The following CLIC5 variants were observed in gnomAD, a reference collection of about 807,000 sequenced individuals.
The protein encoded by CLIC5 is chloride intracellular channel protein 5.
In CLIC5, 20 loss-of-function variants were observed where a neutral mutation model predicts 24.7. The observed-to-expected ratio is 0.81, with a 90% CI of 0.57 to 1.18. The LOEUF (loss-of-function observed/expected upper bound fraction) is 1.18. Ranked by LOEUF, CLIC5 falls within the 50% of genes most tolerant of loss-of-function variation. The probability of loss-of-function intolerance (pLI) is 0.00; values close to 1 mark genes in which losing one functional copy is unlikely to be tolerated. For missense variants in CLIC5, 341 were observed against 326.1 expected (o/e 1.05, Z -0.35); for synonymous variants, 159 against 135.6 (o/e 1.17, Z -1.20).
At chr6:45,928,402 C>A (rs1763585913) in intron 4 of CLIC5, among the ~76,000 whole-genome samples, 1 of 152,198 alleles carries the variant, frequency 6.6e-6, no homozygotes, top group South Asian at 2.1e-4. Context: ...TTAACTTATC[C>A]AGAGATATTC....
At position 45,974,520 on chromosome 6, in the gene CLIC5, TATAGAGAGAGAGAGAGAG is replaced by T. The variant is rs1370840675; in HGVS notation, c.64-19294_64-19277del. On this transcript the variant is annotated intron_variant, in intron 1 of 5. Coordinates refer to ENST00000339561, the MANE Select transcript of CLIC5 (RefSeq NM_016929.5). ...GTGTATATATATATATATATATATA[TATAGAGAGAGAGAGAGAG>T]AGAGAGAGAGAGAGAGAGAGAGAGA... 2.5e-4 allele frequency among the ~76,000 whole-genome samples: 17 copies of T among 66,952 alleles called. 1 individual carries two copies. The highest frequency in any genetic ancestry group is 1.4e-3 in the South Asian group (2 of 1,478). The allele number at this position is 66,952 out of a possible 152,430, so 43.9% of individuals were successfully genotyped here. A position where few individuals can be genotyped will look rare whatever the true frequency, so the allele number is the denominator to read the frequency against.
chr6:46,015,970 G>T, upstream of CLIC5: 2 of 909,094 alleles, frequency 2.2e-6, no homozygotes, highest in Non-Finnish European at 2.6e-6. Context: ...GCCGGGCCAC[G>T]GCCCCCCGCC....
intron 6 of CLIC5, among the ~76,000 whole-genome samples, chr6:45,884,578 G>A (rs747860012): frequency 1.5e-4 from 23 of 152,170 alleles, no homozygotes; most frequent in Non-Finnish European, 2.6e-4. Context: ...GGAAGGCTGC[G>A]AAATGGAGTC....
intron 1 of CLIC5, among the ~76,000 whole-genome samples, chr6:45,977,693 G>C (rs973033961): frequency 6.6e-6 from 1 of 152,048 alleles, no homozygotes; most frequent in East Asian, 1.9e-4. Flanking sequence ...CTAGGCTCAG[G>C]TTGGCTATGT....
the CLIC5 span, among the ~76,000 whole-genome samples, chr6:46,121,984 G>A: frequency 6.6e-6 from 1 of 152,138 alleles, no homozygotes; most frequent in Non-Finnish European, 1.5e-5. Flanking sequence ...AATAATGGGA[G>A]ACTTTAACAC....
At chr6:46,044,751 T>G (rs1273934265) in intron 1 of CLIC5, among the ~76,000 whole-genome samples, 1 of 152,216 alleles carries the variant, frequency 6.6e-6, no homozygotes, top group African/African-American at 2.4e-5. Context: ...GAATGCATAT[T>G]CAGCTACTTG....
chr6:45,965,331 CA>C (rs961933726), intron 1 of CLIC5, among the ~76,000 whole-genome samples: 73 of 152,272 alleles, frequency 4.8e-4, no homozygotes, highest in African/African-American at 1.6e-3. Context: ...ACCCTCCAAC[CA>C]AACACCTTTT....
chr6:45,905,546 A>G (rs1762637071), intron 5 of CLIC5, among the ~76,000 whole-genome samples: 1 of 140,582 alleles, frequency 7.1e-6, no homozygotes, highest in African/African-American at 2.7e-5. Context: ...GTGTCTGTTC[A>G]TGTCTTTTGC....
intron 1 of CLIC5, among the ~76,000 whole-genome samples, chr6:46,010,138 A>C (rs1031449833): frequency 1.3e-5 from 2 of 152,182 alleles, no homozygotes; most frequent in African/African-American, 4.8e-5. Flanking sequence ...TTGGAAACTT[A>C]CATTTTCTTT....
In CLIC5 at chr6:45,914,381, T is replaced by A. The variant is rs141553236; in HGVS notation, c.435A>T (p.Leu145=). ...TGTTCAGGTAGTCATCCAATTTCTT[T>A]AGAGCCTTGGTTAGGCCTCTTTCAA... ...AALERGLTKA[L]KKLDDYLNTP... The change falls in exon 5 of 6, where the codon CTA becomes CTT. Residue 145 remains leucine, a synonymous_variant. Coordinates refer to ENST00000339561, the MANE Select transcript of CLIC5 (RefSeq NM_016929.5). The A allele has an allele frequency of 1.3e-6, 2 of 1,587,824 alleles. No homozygotes were observed. The highest frequency in any genetic ancestry group is 2.7e-5 in the African/African-American group (2 of 74,610).
chr6:46,043,387 T>C (rs1767865813), intron 1 of CLIC5, among the ~76,000 whole-genome samples: 1 of 152,152 alleles, frequency 6.6e-6, no homozygotes, highest in African/African-American at 2.4e-5. Context: ...TGAAACCAGG[T>C]TAATGTCTTC....
At chr6:46,055,287 G>C (rs1425941496) in intron 1 of CLIC5, among the ~76,000 whole-genome samples, 1 of 152,182 alleles carries the variant, frequency 6.6e-6, no homozygotes, top group Non-Finnish European at 1.5e-5. Context: ...ATTTTTAGTA[G>C]AGACGGTGTT....
intron 1 of CLIC5, among the ~76,000 whole-genome samples, chr6:45,962,940 A>C (rs1463346464): frequency 1.3e-5 from 2 of 152,094 alleles, no homozygotes; most frequent in Non-Finnish European, 2.9e-5. Context: ...CACTGAGTGT[A>C]TGTTCACCCT....
intron 1 of CLIC5, among the ~76,000 whole-genome samples, chr6:46,037,870 G>A (rs1767704328): frequency 6.6e-6 from 1 of 152,172 alleles, no homozygotes; most frequent in African/African-American, 2.4e-5. Flanking sequence ...ATTGGTATTT[G>A]GTTACAGGTA....
chr6:45,894,848 CG>C (rs1561912766), downstream of CLIC5, among the ~76,000 whole-genome samples: 8 of 151,888 alleles, frequency 5.3e-5, no homozygotes, highest in African/African-American at 1.9e-4. Flanking sequence ...CAATTATTGT[CG>C]AGCAAGCTGT....
At chr6:45,983,171 G>A (rs1232507736) in intron 1 of CLIC5, among the ~76,000 whole-genome samples, 1 of 152,176 alleles carries the variant, frequency 6.6e-6, no homozygotes, top group African/African-American at 2.4e-5. Flanking sequence ...TCTGCCCAGG[G>A]ACTTTTTCAC....
intron 1 of CLIC5, among the ~76,000 whole-genome samples, chr6:45,980,544 A>G (rs1276744556): frequency 2.0e-5 from 3 of 152,128 alleles, no homozygotes; most frequent in African/African-American, 7.2e-5. Context: ...AAACCAGCAC[A>G]TGTACCCCCA....
intron 1 of CLIC5, among the ~76,000 whole-genome samples, chr6:45,991,085 G>A (rs912567310): frequency 1.3e-5 from 2 of 152,174 alleles, no homozygotes; most frequent in Non-Finnish European, 2.9e-5. Flanking sequence ...TTGCCTTCTG[G>A]CATTCATGCC....
At chr6:46,046,981 C>T (rs1183289167) in intron 1 of CLIC5, among the ~76,000 whole-genome samples, 1 of 152,162 alleles carries the variant, frequency 6.6e-6, no homozygotes, top group Non-Finnish European at 1.5e-5. Context: ...ACTCAAAGTC[C>T]AAGACCTCTC....
Sources: allele counts gnomAD v4.1 joint callset (sites outside exome capture counted in the v4.1 genomes callset), GRCh38; gene constraint gnomAD v4.1.1; transcripts MANE v1.5; gene names NCBI Gene and HGNC (gene_info 2026-07-23, HGNC 2026-07-21).